The following ADCY5 variants were observed in gnomAD, a reference collection of about 807,000 sequenced individuals.
The protein encoded by ADCY5 is adenylate cyclase 5.
Under a neutral mutation model 119.7 loss-of-function variants are expected in ADCY5, and 30 were observed. The observed-to-expected ratio is 0.25, with a 90% confidence interval of 0.19 to 0.34. ADCY5 has a LOEUF of 0.34. ADCY5 is among the 10% of genes least tolerant of loss of function. ADCY5 has a pLI of 1.00. For missense variants in ADCY5, 1,324 were observed against 1,775.2 expected (o/e 0.75, Z 4.57); for synonymous variants, 753 against 762.2 (o/e 0.99, Z 0.20).
intron 1 of ADCY5, among the ~76,000 whole-genome samples, chr3:123,374,421 A>C (rs748138136): frequency 2.6e-5 from 4 of 152,206 alleles, no homozygotes; most frequent in Non-Finnish European, 4.4e-5. Context: ...AATAACAGCT[A>C]CTGTCTACCA....
chr3:123,430,376 C>T (rs967214508), intron 1 of ADCY5, among the ~76,000 whole-genome samples: 1 of 152,140 alleles, frequency 6.6e-6, no homozygotes, highest in South Asian at 2.1e-4. Context: ...GCCTGGCTCC[C>T]GGACACCCCA....
chr3:123,314,727 G>A (rs368674159), intron 11 of ADCY5, among the ~76,000 whole-genome samples: 8 of 152,316 alleles, frequency 5.3e-5, no homozygotes, highest in African/African-American at 4.8e-5. Flanking sequence ...CCTCCAAGTC[G>A]TCACTCACAG....
chr3:123,297,394 G>A lies in ADCY5; in HGVS notation c.2901-12C>T. On this transcript the variant is annotated splice_polypyrimidine_tract_variant and intron_variant, in intron 15 of 20. Transcript: ENST00000462833. ...TGTTGAAGAAGTCTCTGTGAAGAGA[G>A]TTGGGGAAGACTGGTCAGGGCCACC... 6.2e-7 allele frequency: 1 copy of A among 1,613,874 alleles called. No individual in the cohort carries two copies. The highest frequency in any genetic ancestry group is 8.5e-7 in the Non-Finnish European group (1 of 1,179,884).
intron 1 of ADCY5, among the ~76,000 whole-genome samples, chr3:123,362,923 C>T (rs56048737): frequency 0.11 from 16,260 of 151,902 alleles, 2,169 homozygotes; most frequent in African/African-American, 0.3. Context: ...GTGGGTGGAT[C>T]ATGAGATCAG....
At chr3:123,310,103 T>TACACACAC (rs60966110) in intron 12 of ADCY5, among the ~76,000 whole-genome samples, 4,486 of 121,148 alleles carry the variant, frequency 0.037, 148 homozygotes, top group Admixed American at 0.057. Context: ...GAGAGAGATT[T>TACACACAC]ACACACACAC....
chr3:123,356,998 C>G (rs1014469756), intron 1 of ADCY5, among the ~76,000 whole-genome samples: 3 of 150,572 alleles, frequency 2.0e-5, no homozygotes, highest in African/African-American at 5.0e-5. Context: ...GACTCAAAAG[C>G]CTACAGACCA....
At chr3:123,316,899 A>G (rs1315931800) in intron 11 of ADCY5, among the ~76,000 whole-genome samples, 2 of 152,312 alleles carry the variant, frequency 1.3e-5, no homozygotes, top group African/African-American at 2.4e-5. Flanking sequence ...AAAATAGATG[A>G]AAAAAACACT....
intron 1 of ADCY5, among the ~76,000 whole-genome samples, chr3:123,354,323 C>T (rs1038665022): frequency 3.9e-5 from 6 of 152,264 alleles, no homozygotes; most frequent in African/African-American, 7.2e-5. Flanking sequence ...GAATGGGAGA[C>T]GGGTCCAGAT....
intron 1 of ADCY5, among the ~76,000 whole-genome samples, chr3:123,356,816 T>G (rs1309170063): frequency 6.6e-6 from 1 of 152,146 alleles, no homozygotes; most frequent in Non-Finnish European, 1.5e-5. Flanking sequence ...AATATGCACT[T>G]GCCCTATGAC....
intron 1 of ADCY5, among the ~76,000 whole-genome samples, chr3:123,361,405 G>A (rs1163282855): frequency 6.6e-6 from 1 of 152,170 alleles, no homozygotes; most frequent in Non-Finnish European, 1.5e-5. Flanking sequence ...ACAAGGCTGT[G>A]CAATCTTCAC....
intron 1 of ADCY5, among the ~76,000 whole-genome samples, chr3:123,408,748 G>T (rs899435566): frequency 1.3e-5 from 2 of 151,988 alleles, no homozygotes; most frequent in Admixed American, 6.6e-5. Flanking sequence ...AGGCCGAGTG[G>T]GTGGATCACC....
At chr3:123,296,540 C>T (rs183214454) in intron 16 of ADCY5, among the ~76,000 whole-genome samples, 7 of 152,300 alleles carry the variant, frequency 4.6e-5, no homozygotes, top group East Asian at 1.9e-4. Flanking sequence ...GCAGCATGTA[C>T]ATCCAGATCC....
At chr3:123,440,381 T>C (rs1350226298) in intron 1 of ADCY5, among the ~76,000 whole-genome samples, 1 of 152,174 alleles carries the variant, frequency 6.6e-6, no homozygotes, top group Non-Finnish European at 1.5e-5. Flanking sequence ...GAGGGGGGCC[T>C]ATTACAGTTT....
chr3:123,284,587 G>A lies in ADCY5; in HGVS notation c.*21C>T, dbSNP rs769595801. ...CATGCCTCTGGAGGCCAGGCTGCCTGGCACCATTGGCCAACAGCTGCTAAC... is the reference window on the plus strand; with the variant it reads ...CATGCCTCTGGAGGCCAGGCTGCCTAGCACCATTGGCCAACAGCTGCTAAC... On this transcript the variant is annotated 3_prime_UTR_variant, in exon 21 of 21. Coordinates refer to ENST00000462833, the MANE Select transcript of ADCY5 (RefSeq NM_183357.3). The A allele has an allele frequency of 1.9e-6, 3 of 1,614,050 alleles. No individual in the cohort carries two copies. In the South Asian group the frequency reaches 3.3e-5, roughly 18 times the overall value.
chr3:123,306,514 G>GA (rs201829544), intron 12 of ADCY5, among the ~76,000 whole-genome samples: 3 of 151,950 alleles, frequency 2.0e-5, no homozygotes, highest in Admixed American at 1.3e-4. Context: ...AATCAAAAAA[G>GA]AAAAAAACAG....
rs77106062 is a variant in ADCY5, at chr3:123,379,851, A to G, written c.1135-27270T>C. 2.3e-3 allele frequency among the ~76,000 whole-genome samples: 356 copies of G among 152,312 alleles called. 11 individuals carry two copies. The East Asian group carries it at 0.05, about 21-fold the overall frequency. On this transcript the variant is annotated intron_variant, in intron 1 of 20. Transcript: ENST00000462833. ...CTGGAATGGCATTTCTCTTCTTGTT[A>G]GCTAATACACAGGTTTCTAATCAAG...
chr3:123,357,458 T>C (rs1015585671), intron 1 of ADCY5, among the ~76,000 whole-genome samples: 7 of 152,158 alleles, frequency 4.6e-5, no homozygotes, highest in African/African-American at 1.7e-4. Context: ...TGACTCCTCC[T>C]ATAGCCAGAA....
intron 3 of ADCY5, among the ~76,000 whole-genome samples, chr3:123,336,098 G>A (rs758981299): frequency 6.6e-6 from 1 of 152,226 alleles, no homozygotes; most frequent in Non-Finnish European, 1.5e-5. Flanking sequence ...TTCTCCATAA[G>A]CTCTCATGCC....
At chr3:123,299,706 A>C (rs1295625941) in intron 15 of ADCY5, among the ~76,000 whole-genome samples, 1 of 152,224 alleles carries the variant, frequency 6.6e-6, no homozygotes, top group African/African-American at 2.4e-5. Flanking sequence ...CAGGAGGAAG[A>C]GGAACAGCGG....
Sources: gnomAD v4.1 joint callset for allele counts (sites outside exome capture counted in the v4.1 genomes callset) on GRCh38, gnomAD v4.1.1 for gene constraint, MANE v1.5 for transcripts, NCBI Gene and HGNC (gene_info 2026-07-23, HGNC 2026-07-21) for gene names.